The following HSD17B11 variants were observed in gnomAD, a reference collection of about 807,000 sequenced individuals.
HSD17B11 encodes estradiol 17-beta-dehydrogenase 11.
Under a neutral mutation model 27.8 loss-of-function variants are expected in HSD17B11, and 22 were observed. The ratio of observed to expected loss-of-function variants is 0.79; its 90% confidence interval spans 0.56 to 1.13. HSD17B11 has a LOEUF of 1.13. Among genes scored for constraint, HSD17B11 ranks in the 50% most tolerant of loss-of-function variants. HSD17B11 has a pLI of 0.00. For synonymous variants in HSD17B11, 117 were observed against 132.8 expected (o/e 0.88, Z 0.82); for missense variants, 314 against 351.1 (o/e 0.89, Z 0.84).
In HSD17B11 at chr4:87,337,367, C is replaced by T; in HGVS notation, c.813-1G>A. On this transcript the variant is annotated splice_acceptor_variant, in intron 6 of 6. Coordinates refer to ENST00000358290, the MANE Select transcript of HSD17B11 (RefSeq NM_016245.5). LOFTEE classifies it high-confidence loss of function. The stretch of plus-strand genomic sequence containing the variant: ...TGCCAGGAAACGCTCAGGAAGGATC[C>T]TAAAAGAAAGATATATGCAAATAAT... 1 of 1,528,438 alleles carries T rather than the reference C, an allele frequency of 6.5e-7. No homozygotes were observed. The highest frequency in any genetic ancestry group is 1.1e-5 in the South Asian group (1 of 87,294). 94.7% of individuals were successfully genotyped at this position (1,528,438 alleles called of 1,614,324 possible). A position where few individuals can be genotyped will look rare whatever the true frequency, so the allele number is the denominator to read the frequency against.
chr4:87,381,793 T>C (rs1332827730), intron 2 of HSD17B11, among the ~76,000 whole-genome samples: 1 of 149,008 alleles, frequency 6.7e-6, no homozygotes, highest in South Asian at 2.1e-4. Context: ...AGAAAAGAAA[T>C]AGATCTATCT....
intron 5 of HSD17B11, among the ~76,000 whole-genome samples, chr4:87,346,324 TG>T (rs1377936205): frequency 2.0e-5 from 3 of 152,152 alleles, no homozygotes; most frequent in Non-Finnish European, 4.4e-5. Flanking sequence ...ATAATCAAAA[TG>T]GAGTAGCAAA....
chr4:87,364,788 T>C (rs757640362), intron 4 of HSD17B11, among the ~76,000 whole-genome samples: 7 of 152,224 alleles, frequency 4.6e-5, no homozygotes, highest in Non-Finnish European at 8.8e-5. Flanking sequence ...CAGCTGCTTA[T>C]TTGCTACTTA....
chr4:87,369,218 A>C (rs1216880243), intron 4 of HSD17B11, among the ~76,000 whole-genome samples: 1 of 152,160 alleles, frequency 6.6e-6, no homozygotes, highest in East Asian at 1.9e-4. Flanking sequence ...AATGATCTTG[A>C]GTGTGTAAAA....
chr4:87,341,631 C>T (rs564101708), intron 5 of HSD17B11, among the ~76,000 whole-genome samples: 3 of 152,204 alleles, frequency 2.0e-5, no homozygotes, highest in South Asian at 2.1e-4. Flanking sequence ...GAGGCTGAGG[C>T]GGGTGGAGCG....
chr4:87,340,572 T>G lies in HSD17B11; in HGVS notation c.730A>C (p.Asn244His). The G allele has an allele frequency of 6.2e-7, 1 of 1,613,334 alleles. No homozygotes were observed. Among genetic ancestry groups the G allele is most frequent in the Admixed American group, 1.7e-5 (1 of 59,888 alleles). Residue 244 changes from asparagine to histidine, a missense_variant, in exon 6 of 7, where the codon AAC becomes CAC. Physicochemically the swap from Asn to His is moderately conservative, Grantham distance 68 (BLOSUM62 1). Transcript: ENST00000358290. ...GTCAGAATCCCATGCATCAGCCTGT[T>G]TACCACTTCCTCAGGTTCCAGAGTG... is the stretch of plus-strand genomic sequence containing the variant. ...GPTLEPEEVV[N>H]RLMHGILTEQ... is the part of the protein sequence containing the mutation.
At chr4:87,360,167 TC>T (rs1735479213) in intron 4 of HSD17B11, among the ~76,000 whole-genome samples, 1 of 152,084 alleles carries the variant, frequency 6.6e-6, no homozygotes. Flanking sequence ...ATATTTCACC[TC>T]ATATAATTGA....
intron 4 of HSD17B11, among the ~76,000 whole-genome samples, chr4:87,359,078 T>A (rs1158238381): frequency 6.6e-6 from 1 of 152,110 alleles, no homozygotes; most frequent in African/African-American, 2.4e-5. Flanking sequence ...CCTGCTGCCA[T>A]TTAAGACATG....
At chr4:87,383,696 T>A (rs1415771609) in intron 1 of HSD17B11, among the ~76,000 whole-genome samples, 1 of 151,770 alleles carries the variant, frequency 6.6e-6, no homozygotes, top group Non-Finnish European at 1.5e-5. Context: ...CCATTGGGGT[T>A]TTTTGTTGTT....
At chr4:87,370,080 A>AG (rs1735680099) in intron 4 of HSD17B11, among the ~76,000 whole-genome samples, 1 of 152,210 alleles carries the variant, frequency 6.6e-6, no homozygotes, top group Non-Finnish European at 1.5e-5. Flanking sequence ...GAGCTAGAAT[A>AG]AATTATTTTC....
chr4:87,383,652 G>A (rs181949630), intron 1 of HSD17B11, among the ~76,000 whole-genome samples: 33 of 152,034 alleles, frequency 2.2e-4, no homozygotes, highest in East Asian at 5.8e-4. Flanking sequence ...AATTTGGGGC[G>A]CCAATTTTGA....
Position 87,364,722 on chromosome 4 carries a change from G to A in HSD17B11, c.558-7306C>T, listed in dbSNP as rs536892807. On this transcript the variant is annotated intron_variant, in intron 4 of 6. Transcript: ENST00000358290. ...CTCCCGTAGTATTTCCCTCCTTTTG[G>A]GGATCCAGGATCCAGTATAAAATAC... Among the ~76,000 whole-genome samples, 4 of 152,300 alleles carry A rather than the reference G, an allele frequency of 2.6e-5. No individual in the cohort carries two copies. In the South Asian group the frequency reaches 8.3e-4, roughly 32 times the overall value.
Position 87,370,752 on chromosome 4 carries a change from A to ATTTT in HSD17B11, c.557+1956_557+1957insAAAA, listed in dbSNP as rs1491588184. On this transcript the variant is annotated intron_variant, in intron 4 of 6. Coordinates refer to ENST00000358290, the MANE Select transcript of HSD17B11 (RefSeq NM_016245.5). ...TATTATTATTATTATTATTATTATT[A>ATTTT]TTATTTTTTTTTTTTTTTGAGACGG... 3.4e-3 allele frequency among the ~76,000 whole-genome samples: 178 copies of ATTTT among 53,008 alleles called. 6 individuals carry two copies. Among genetic ancestry groups the ATTTT allele is most frequent in the Admixed American group, 3.9e-3 (23 of 5,894 alleles). 34.8% of individuals were successfully genotyped at this position (53,008 alleles called of 152,430 possible). A position where few individuals can be genotyped will look rare whatever the true frequency, so the allele number is the denominator to read the frequency against.
chr4:87,359,450 C>A (rs1419988267), intron 4 of HSD17B11, among the ~76,000 whole-genome samples: 1 of 152,160 alleles, frequency 6.6e-6, no homozygotes, highest in African/African-American at 2.4e-5. Flanking sequence ...AACCTAGGAA[C>A]TTCTGTGCTC....
At chr4:87,378,622 T>C (rs1719973181) in intron 2 of HSD17B11, among the ~76,000 whole-genome samples, 2 of 150,086 alleles carry the variant, frequency 1.3e-5, no homozygotes, top group Admixed American at 6.8e-5. Context: ...GAGTAGCCTA[T>C]TTGTTCTAAT....
At position 87,361,480 on chromosome 4, in the gene HSD17B11, G is replaced by C. The variant is rs1185255086; in HGVS notation, c.558-4064C>G. On this transcript the variant is annotated intron_variant, in intron 4 of 6. Coordinates refer to ENST00000358290, the MANE Select transcript of HSD17B11 (RefSeq NM_016245.5). ...ATTCCTCTACTTTCTTAATAAACTT[G>C]CTTTCGGCCGGGCATGGTGGCTCAT... 2.6e-5 allele frequency among the ~76,000 whole-genome samples: 4 copies of C among 152,176 alleles called. No individual in the cohort carries two copies. In the East Asian group the frequency reaches 7.7e-4, roughly 29 times the overall value.
At chr4:87,359,747 G>A (rs1578038028) in intron 4 of HSD17B11, among the ~76,000 whole-genome samples, 2 of 152,090 alleles carry the variant, frequency 1.3e-5, no homozygotes, top group Non-Finnish European at 2.9e-5. Flanking sequence ...AGGAAACTGA[G>A]GTAAAGATGG....
intron 5 of HSD17B11, among the ~76,000 whole-genome samples, chr4:87,353,730 T>C (rs564234630): frequency 7.0e-6 from 1 of 143,172 alleles, no homozygotes; most frequent in African/African-American, 2.4e-5. Flanking sequence ...TGCGGCCTTG[T>C]AGGGGGGGCA....
intron 5 of HSD17B11, among the ~76,000 whole-genome samples, chr4:87,354,588 G>A (rs1178995174): frequency 1.3e-5 from 2 of 151,004 alleles, no homozygotes; most frequent in African/African-American, 2.4e-5. Flanking sequence ...AGGCTGCAGC[G>A]AGCTGTGATT....
Sources: allele counts gnomAD v4.1 joint callset (sites outside exome capture counted in the v4.1 genomes callset), GRCh38; gene constraint gnomAD v4.1.1; transcripts MANE v1.5; gene names NCBI Gene and HGNC (gene_info 2026-07-23, HGNC 2026-07-21).